TRIO: variants seen among roughly 807,000 people sequenced by gnomAD.
TRIO encodes the protein trio Rho guanine nucleotide exchange factor, also known as triple functional domain protein.
TRIO carries 58 observed loss-of-function variants against 351.9 expected under a neutral mutation model. The ratio of observed to expected loss-of-function variants is 0.16; its 90% CI spans 0.13 to 0.21. TRIO has a LOEUF of 0.21. Among genes scored for constraint, TRIO ranks in the 10% least tolerant of loss-of-function variants. TRIO has a pLI of 1.00. For missense variants in TRIO, 3,201 were observed against 4,027.8 expected (o/e 0.79, Z 5.56); for synonymous variants, 1,758 against 1,595.7 (o/e 1.10, Z -2.42).
intron 1 of TRIO, among the ~76,000 whole-genome samples, chr5:14,221,947 GT>G (rs910309996): frequency 6.6e-6 from 1 of 152,176 alleles, no homozygotes; most frequent in African/African-American, 2.4e-5. Context: ...CTACAGAGAA[GT>G]TTTTCATCAC....
chr5:14,337,044 C>A (rs1396352231), intron 11 of TRIO, among the ~76,000 whole-genome samples: 2 of 152,166 alleles, frequency 1.3e-5, no homozygotes, highest in Non-Finnish European at 2.9e-5. Context: ...TGTTGGGTCT[C>A]CTTCCTGGCT....
chr5:14,488,785 G>T (rs1240468411), intron 48 of TRIO: 2 of 593,370 alleles, frequency 3.4e-6, no homozygotes, highest in Non-Finnish European at 3.0e-6. Context: ...ATGAAAAAAT[G>T]GGGGGAAAGA....
intron 14 of TRIO, among the ~76,000 whole-genome samples, chr5:14,364,152 G>A (rs1744395445): frequency 6.6e-6 from 1 of 152,162 alleles, no homozygotes; most frequent in African/African-American, 2.4e-5. Context: ...TAAGTATCAT[G>A]AACTTTAATT....
chr5:14,347,767 A>C (rs1393081478), intron 11 of TRIO, among the ~76,000 whole-genome samples: 1 of 152,198 alleles, frequency 6.6e-6, no homozygotes, highest in Non-Finnish European at 1.5e-5. Context: ...GTCTGTTCTC[A>C]TGCAGAAAGC....
intron 2 of TRIO, among the ~76,000 whole-genome samples, chr5:14,273,940 A>C (rs1161041944): frequency 6.6e-6 from 1 of 152,228 alleles, no homozygotes; most frequent in Non-Finnish European, 1.5e-5. Flanking sequence ...CCACTTCAGC[A>C]ACTTGTTTCA....
chr5:14,397,214 A>T, intron 29 of TRIO, 60 bp downstream of exon 29: 1 of 1,376,898 alleles, frequency 7.3e-7, no homozygotes, highest in East Asian at 2.4e-5. Context: ...ACTGTTTGTA[A>T]ATGGATTTCC....
chr5:14,450,837 C>T (rs757697826), intron 34 of TRIO, among the ~76,000 whole-genome samples: 1 of 152,162 alleles, frequency 6.6e-6, no homozygotes, highest in Non-Finnish European at 1.5e-5. Context: ...GAGAGAACCC[C>T]TGGGGACGCA....
chr5:14,187,946 G>C (rs1790224946), intron 1 of TRIO, among the ~76,000 whole-genome samples: 1 of 152,126 alleles, frequency 6.6e-6, no homozygotes, highest in Non-Finnish European at 1.5e-5. Context: ...AATCTTTATT[G>C]CGTGAGAAGC....
intron 11 of TRIO, among the ~76,000 whole-genome samples, chr5:14,352,930 A>G (rs138727915): frequency 6.6e-6 from 1 of 151,432 alleles, no homozygotes; most frequent in East Asian, 1.9e-4. Flanking sequence ...AAAACGTTTG[A>G]CCCCTAAAGA....
intron 34 of TRIO, among the ~76,000 whole-genome samples, chr5:14,427,812 T>C (rs564949900): frequency 1.3e-5 from 2 of 152,244 alleles, no homozygotes; most frequent in South Asian, 4.1e-4. Context: ...CTACTCTGAC[T>C]TGAGTTGGAT....
intron 1 of TRIO, among the ~76,000 whole-genome samples, chr5:14,255,866 T>C (rs910777636): frequency 1.3e-5 from 2 of 152,230 alleles, no homozygotes; most frequent in African/African-American, 4.8e-5. Flanking sequence ...ATTTCTGATT[T>C]TCTGATTAGA....
chr5:14,319,901 T>C (rs1739719522), intron 9 of TRIO, among the ~76,000 whole-genome samples: 1 of 152,170 alleles, frequency 6.6e-6, no homozygotes, highest in African/African-American at 2.4e-5. Flanking sequence ...GGCCAATTCA[T>C]AACTTCTGTG....
chr5:14,280,533 C>A, intron 3 of TRIO, 97 bp downstream of exon 3: 1 of 1,019,414 alleles, frequency 9.8e-7, no homozygotes, highest in Non-Finnish European at 1.5e-6. Context: ...AGCCTGCATT[C>A]CAGGCAAAGT....
chr5:14,224,456 A>G (rs1041229324), intron 1 of TRIO, among the ~76,000 whole-genome samples: 1 of 152,282 alleles, frequency 6.6e-6, no homozygotes, highest in Admixed American at 6.5e-5. Context: ...AAGAAAGAAT[A>G]TACTAAAAGA....
chr5:14,377,253 G>GTT (rs753353240), intron 19 of TRIO, among the ~76,000 whole-genome samples: 3 of 130,772 alleles, frequency 2.3e-5, no homozygotes, highest in African/African-American at 5.7e-5. Context: ...ATTTTTTTTT[G>GTT]TTTTTTTTTT....
chr5:14,406,536 G>A (rs761042224), intron 32 of TRIO, 37 bp from the exon 33 acceptor site: 2 of 1,599,260 alleles, frequency 1.3e-6, no homozygotes, highest in African/African-American at 1.3e-5. Flanking sequence ...TGCCAGCTCA[G>A]CAGCATCAGG....
chr5:14,221,280 A>G (rs1792601249), intron 1 of TRIO, among the ~76,000 whole-genome samples: 1 of 152,158 alleles, frequency 6.6e-6, no homozygotes, highest in South Asian at 2.1e-4. Context: ...TAGTCACCCA[A>G]GAGCTCTTGT....
intron 1 of TRIO, among the ~76,000 whole-genome samples, chr5:14,190,832 T>C (rs1035659193): frequency 6.6e-6 from 1 of 152,062 alleles, no homozygotes; most frequent in Non-Finnish European, 1.5e-5. Flanking sequence ...AGGACAAATA[T>C]ACACACACAC....
chr5:14,476,734 C>T (rs902508289), intron 40 of TRIO, among the ~76,000 whole-genome samples, 160 bp from the exon 41 acceptor site: 1 of 150,496 alleles, frequency 6.6e-6, no homozygotes, highest in African/African-American at 2.4e-5. Flanking sequence ...GCGGAGGTTG[C>T]AGTGAACCAA....
Sources: allele counts gnomAD v4.1 joint callset (sites outside exome capture counted in the v4.1 genomes callset), GRCh38; gene constraint gnomAD v4.1.1; transcripts MANE v1.5; gene names NCBI Gene and HGNC (gene_info 2026-07-23, HGNC 2026-07-21).